Variants in VWC2L observed in about 807,000 individuals in gnomAD.
The protein encoded by VWC2L is von Willebrand factor C domain-containing protein 2-like.
A neutral mutation model predicts 21.6 loss-of-function variants in VWC2L; 10 were observed. The ratio of observed to expected loss-of-function variants is 0.46; its 90% CI spans 0.29 to 0.78. The LOEUF (loss-of-function observed/expected upper bound fraction) is 0.78, where lower values mean the gene tolerates loss of function less well. Among genes scored for constraint, VWC2L ranks in the 30% least tolerant of loss-of-function variants. VWC2L has a pLI of 0.10. For synonymous variants in VWC2L, 96 were observed against 94.3 expected (o/e 1.02, Z -0.10); for missense variants, 209 against 277.1 (o/e 0.75, Z 1.74).
chr2:214,531,514 C>A (rs1366026676), intron 3 of VWC2L, among the ~76,000 whole-genome samples: 1 of 152,122 alleles, frequency 6.6e-6, no homozygotes, highest in South Asian at 2.1e-4. Context: ...TAGATCTATT[C>A]TACAGGTAAT....
chr2:214,499,565 A>T (rs1489364210), intron 3 of VWC2L, among the ~76,000 whole-genome samples: 1 of 151,550 alleles, frequency 6.6e-6, no homozygotes, highest in East Asian at 2.0e-4. Context: ...TGATGAGTTA[A>T]TGGGTGCAGC....
rs1393516047 is a variant in VWC2L, at chr2:214,517,248, CT to C, written c.521-58422del. ...CAGTACCCCAGACTCTCAAGGTTTC[CT>C]TCCTATGTATGGGCATTACCAATTC... On this transcript the variant is annotated intron_variant, in intron 3 of 3. Coordinates refer to ENST00000312504, the MANE Select transcript of VWC2L (RefSeq NM_001080500.4). Among the ~76,000 whole-genome samples the C allele has an allele frequency of 2.6e-5, 4 of 152,308 alleles. 1 individual carries two copies. The South Asian group carries it at 8.3e-4, about 32-fold the overall frequency.
chr2:214,516,055 G>A (rs1689136611), intron 3 of VWC2L, among the ~76,000 whole-genome samples: 1 of 152,090 alleles, frequency 6.6e-6, no homozygotes, highest in Admixed American at 6.6e-5. Flanking sequence ...ATGGTGTGCT[G>A]CAGCCAGTTG....
rs1702263715 is a variant in VWC2L, at chr2:214,411,227, C to A, written c.-640C>A. 1 of 152,226 alleles carries A rather than the reference C, an allele frequency of 6.6e-6. No homozygotes were observed. Among genetic ancestry groups the A allele is most frequent in the South Asian group, 2.1e-4 (1 of 4,830 alleles). The allele number at this position is 152,226 out of a possible 1,614,324, so 9.4% of individuals were successfully genotyped here. ...CCCAGCTAAAGTTGCTCCTTTCCTT[C>A]ACATCCACAGTTAGTATTTTCCGGT... is the stretch of plus-strand genomic sequence containing the variant. On this transcript the variant is annotated 5_prime_UTR_variant, in exon 1 of 4. Transcript: ENST00000312504.
chr2:214,515,250 C>T (rs1400479859), intron 3 of VWC2L, among the ~76,000 whole-genome samples: 1 of 152,196 alleles, frequency 6.6e-6, no homozygotes, highest in Non-Finnish European at 1.5e-5. Flanking sequence ...AACATCCCTG[C>T]TGGTTTCTTT....
rs374436510 is a variant in VWC2L, at chr2:214,416,459, A to G, written c.390+1876A>G. Among the ~76,000 whole-genome samples the G allele has an allele frequency of 2.0e-5, 3 of 152,024 alleles. No homozygotes were observed. The East Asian group carries it at 5.8e-4, about 29-fold the overall frequency. ...TTTGTGTCATAAAATTTTTGATGTG[A>G]TTTTTAAAATAATAGATATCACTTT... On this transcript the variant is annotated intron_variant, in intron 2 of 3. Coordinates refer to ENST00000312504, the MANE Select transcript of VWC2L (RefSeq NM_001080500.4).
At chr2:214,507,009 A>G (rs1228886367) in intron 3 of VWC2L, among the ~76,000 whole-genome samples, 19 of 152,098 alleles carry the variant, frequency 1.2e-4, no homozygotes, top group Admixed American at 1.1e-3. Flanking sequence ...AAAATGAGCT[A>G]TTTAATTATT....
At chr2:214,569,284 T>C (rs568552982) in intron 3 of VWC2L, among the ~76,000 whole-genome samples, 1 of 152,208 alleles carries the variant, frequency 6.6e-6, no homozygotes, top group African/African-American at 2.4e-5. Context: ...ATAGCAACCA[T>C]GGTGCAGTTA....
At position 214,438,358 on chromosome 2, in the gene VWC2L, C is replaced by T. The variant is rs114788459; in HGVS notation, c.520+1600C>T. On this transcript the variant is annotated intron_variant, in intron 3 of 3. Transcript: ENST00000312504. ...CAACTACCTAATCAATCTTTAAAAA[C>T]TGGATTGACAGGTCTTGGACTGAAG... is the stretch of plus-strand genomic sequence containing the variant. Among the ~76,000 whole-genome samples the T allele has an allele frequency of 2.8e-3, 423 of 151,940 alleles. 1 individual carries two copies. Among genetic ancestry groups the T allele is most frequent in the African/African-American group, 9.9e-3 (411 of 41,490 alleles).
chr2:214,451,319 G>A (rs551326372), intron 3 of VWC2L, among the ~76,000 whole-genome samples: 1 of 147,268 alleles, frequency 6.8e-6, no homozygotes. Flanking sequence ...GGGGGGGGGG[G>A]GCAGTAAAAG....
chr2:214,512,412 G>A (rs1351893094), intron 3 of VWC2L, among the ~76,000 whole-genome samples: 1 of 152,146 alleles, frequency 6.6e-6, no homozygotes, highest in East Asian at 1.9e-4. Context: ...GGAGGGTGGG[G>A]AGTGGGAGGA....
chr2:214,560,986 T>C (rs995810269), intron 3 of VWC2L, among the ~76,000 whole-genome samples: 3 of 152,236 alleles, frequency 2.0e-5, no homozygotes, highest in African/African-American at 7.2e-5. Flanking sequence ...ATAAGCTCCA[T>C]ATATTTTGAA....
intron 3 of VWC2L, among the ~76,000 whole-genome samples, chr2:214,558,821 T>A (rs1689917666): frequency 6.6e-6 from 1 of 152,134 alleles, no homozygotes; most frequent in African/African-American, 2.4e-5. Flanking sequence ...TTGTTTTTTT[T>A]TTTTAAATTT....
chr2:214,490,807 G>C (rs1163008775), intron 3 of VWC2L, among the ~76,000 whole-genome samples: 1 of 152,208 alleles, frequency 6.6e-6, no homozygotes, highest in East Asian at 1.9e-4. Flanking sequence ...CTGCATAGAA[G>C]TTAAACAGAG....
chr2:214,447,830 T>C (rs1268213390), intron 3 of VWC2L, among the ~76,000 whole-genome samples: 1 of 152,034 alleles, frequency 6.6e-6, no homozygotes, highest in Non-Finnish European at 1.5e-5. Context: ...CTCCACGTCA[T>C]TGTTGAAGAA....
intron 3 of VWC2L, among the ~76,000 whole-genome samples, chr2:214,465,424 G>A (rs1171798676): frequency 6.6e-6 from 1 of 152,184 alleles, no homozygotes; most frequent in East Asian, 1.9e-4. Context: ...GTCTAGAAAT[G>A]TTGACTGGGA....
chr2:214,500,273 T>C (rs916449001), intron 3 of VWC2L, among the ~76,000 whole-genome samples: 1 of 152,216 alleles, frequency 6.6e-6, no homozygotes, highest in Non-Finnish European at 1.5e-5. Flanking sequence ...GGTATTCAGC[T>C]AGTAATGGAA....
intron 3 of VWC2L, among the ~76,000 whole-genome samples, chr2:214,443,751 G>T (rs1054778820): frequency 6.6e-6 from 1 of 152,092 alleles, no homozygotes; most frequent in Admixed American, 6.6e-5. Flanking sequence ...AGAAATTCCC[G>T]ATAAAGTCAG....
At chr2:214,569,812 AC>A (rs1417438231) in intron 3 of VWC2L, among the ~76,000 whole-genome samples, 2 of 152,170 alleles carry the variant, frequency 1.3e-5, no homozygotes, top group Non-Finnish European at 2.9e-5. Context: ...CCTTTAGAGC[AC>A]TTACTTCAGG....
Sources: gnomAD v4.1 joint callset for allele counts (sites outside exome capture counted in the v4.1 genomes callset) on GRCh38, gnomAD v4.1.1 for gene constraint, MANE v1.5 for transcripts, NCBI Gene and HGNC (gene_info 2026-07-23, HGNC 2026-07-21) for gene names.